ARID1B: variants seen among roughly 807,000 people sequenced by gnomAD.
The protein encoded by ARID1B is AT-rich interactive domain-containing protein 1B.
ARID1B carries 30 observed loss-of-function variants against 212.3 expected under a neutral mutation model. That is an observed-to-expected ratio of 0.14 (90% CI 0.11 to 0.19). The LOEUF (loss-of-function observed/expected upper bound fraction) is 0.19. ARID1B is among the 10% of genes least tolerant of loss of function. The pLI is 1.00. For synonymous variants in ARID1B, 1,402 were observed against 1,301.7 expected, an observed-to-expected ratio of 1.08 and a Z score of -1.66; for missense variants, 2,891 against 3,204.0, an observed-to-expected ratio of 0.90 and a Z score of 2.36.
chr6:157,098,332 G>A (rs1230529310), intron 5 of ARID1B, among the ~76,000 whole-genome samples: 1 of 152,202 alleles, frequency 6.6e-6, no homozygotes, highest in Non-Finnish European at 1.5e-5. Flanking sequence ...ACAGATAGCA[G>A]AGTGCTATGA....
intron 4 of ARID1B, among the ~76,000 whole-genome samples, chr6:156,967,842 A>T (rs1794878739): frequency 6.6e-6 from 1 of 152,184 alleles, no homozygotes; most frequent in African/African-American, 2.4e-5. Context: ...GAAATTGGTG[A>T]TAAGATTTGC....
At chr6:157,158,708 C>G (rs1485518699) in intron 8 of ARID1B, among the ~76,000 whole-genome samples, 2 of 152,154 alleles carry the variant, frequency 1.3e-5, no homozygotes, top group Non-Finnish European at 2.9e-5. Context: ...ATTAGCAGTT[C>G]ACTCCCCTTT....
chr6:157,086,335 T>C (rs1159289950), intron 5 of ARID1B, among the ~76,000 whole-genome samples: 1 of 152,234 alleles, frequency 6.6e-6, no homozygotes, highest in East Asian at 1.9e-4. Context: ...TCATAGTGTT[T>C]GTAATAACCT....
chr6:156,778,592 C>T lies in ARID1B; in HGVS notation c.912C>T (p.Gly304=), dbSNP rs1778868646. Residue 304 remains glycine (G), a synonymous_variant, in exon 1 of 20, where the codon GGC becomes GGT. Coordinates refer to ENST00000636930, the MANE Select transcript of ARID1B (RefSeq NM_001374828.1). ...QQPPVAVPGG[G]GGPAAVPEFN... is the part of the protein sequence containing the mutation. ...CGCCGGTCGCCGTGCCCGGGGGCGG[C>T]GGCGGCCCGGCGGCCGTCCCGGAGT... is the stretch of plus-strand genomic sequence containing the variant. The T allele has an allele frequency of 1.6e-6, 2 of 1,279,448 alleles. No homozygotes were observed. Among genetic ancestry groups the T allele is most frequent in the East Asian group, 3.2e-5 (1 of 30,930 alleles). The allele number at this position is 1,279,448 out of a possible 1,614,324, so 79.3% of individuals were successfully genotyped here. A position where few individuals can be genotyped will look rare whatever the true frequency, so the allele number is the denominator to read the frequency against.
chr6:157,062,099 A>AT (rs1562587314), intron 4 of ARID1B, among the ~76,000 whole-genome samples: 1 of 152,212 alleles, frequency 6.6e-6, no homozygotes, highest in Non-Finnish European at 1.5e-5. Context: ...AGCAGTCATG[A>AT]TAAGCCGAAT....
intron 5 of ARID1B, among the ~76,000 whole-genome samples, chr6:157,107,246 G>A (rs1786557709): frequency 6.6e-6 from 1 of 152,036 alleles, no homozygotes; most frequent in Admixed American, 6.6e-5. Flanking sequence ...GGAGGCTAAG[G>A]GAAAGTCACT....
At chr6:156,897,721 T>C (rs2128205110) in intron 2 of ARID1B, among the ~76,000 whole-genome samples, 1 of 152,220 alleles carries the variant, frequency 6.6e-6, no homozygotes, top group African/African-American at 2.4e-5. Context: ...CACTGGACAG[T>C]CAGGACTTCC....
intron 11 of ARID1B, among the ~76,000 whole-genome samples, chr6:157,176,324 CTT>C (rs1792101636): frequency 6.6e-6 from 1 of 152,258 alleles, no homozygotes; most frequent in African/African-American, 2.4e-5. Context: ...ATTTTGATGT[CTT>C]TGTGTTATTT....
intron 3 of ARID1B, among the ~76,000 whole-genome samples, chr6:156,906,235 G>T (rs1789363162): frequency 6.6e-6 from 1 of 152,036 alleles, no homozygotes; most frequent in African/African-American, 2.4e-5. Flanking sequence ...GAGACAGGAG[G>T]ATTGAAGTGG....
rs199767109 is a variant in ARID1B at position 157,097,811 on chromosome 6, T to C, written c.2492-12661T>C. ...TGGCAACCCTGTTCACAGCTTTTTT[T>C]CTTCTCCCCTTTGTGTCATAAGAAC... On this transcript the variant is annotated intron_variant, in intron 5 of 19. Coordinates refer to ENST00000636930, the MANE Select transcript of ARID1B (RefSeq NM_001374828.1). 7.9e-5 allele frequency among the ~76,000 whole-genome samples: 12 copies of C among 152,334 alleles called. 1 individual carries two copies. The East Asian group carries it at 2.3e-3, about 29-fold the overall frequency.
chr6:156,983,108 G>GA (rs989755745), intron 4 of ARID1B, among the ~76,000 whole-genome samples: 2 of 147,846 alleles, frequency 1.4e-5, no homozygotes, highest in South Asian at 2.1e-4. Flanking sequence ...AAAAAAAAAA[G>GA]AAAAAAAAGA....
At chr6:156,981,218 A>G (rs1777581944) in intron 4 of ARID1B, among the ~76,000 whole-genome samples, 1 of 152,184 alleles carries the variant, frequency 6.6e-6, no homozygotes, top group South Asian at 2.1e-4. Flanking sequence ...GGCAGGATGG[A>G]TGATTGATGT....
chr6:157,063,450 C>A (rs1783478790), intron 4 of ARID1B, among the ~76,000 whole-genome samples: 1 of 152,158 alleles, frequency 6.6e-6, no homozygotes, highest in South Asian at 2.1e-4. Flanking sequence ...CTTTTCCACA[C>A]CAAGATGCTT....
At chr6:157,136,094 A>T (rs1409140734) in intron 7 of ARID1B, among the ~76,000 whole-genome samples, 2 of 152,182 alleles carry the variant, frequency 1.3e-5, no homozygotes, top group Non-Finnish European at 2.9e-5. Context: ...CTATTTTCTA[A>T]GTGTTTTTTA....
At chr6:156,827,070 G>A (rs910850747) in intron 1 of ARID1B, among the ~76,000 whole-genome samples, 1 of 152,140 alleles carries the variant, frequency 6.6e-6, no homozygotes, top group African/African-American at 2.4e-5. Flanking sequence ...ATGCCCTGGA[G>A]ATATAATAGT....
intron 2 of ARID1B, among the ~76,000 whole-genome samples, chr6:156,866,381 ATCGCCGAGCCTTTGGATGGT>A (rs1269213510): frequency 6.6e-6 from 1 of 152,066 alleles, no homozygotes; most frequent in Non-Finnish European, 1.5e-5. Flanking sequence ...GCTGCCACCA[ATCGCCGAGCCTTTGGATGGT>A]TCTGCCTTGT....
chr6:156,807,036 A>G (rs1781210704), intron 1 of ARID1B, among the ~76,000 whole-genome samples: 2 of 152,216 alleles, frequency 1.3e-5, no homozygotes, highest in African/African-American at 4.8e-5. Context: ...TATGGGTCCT[A>G]CAAAAACCAA....
intron 8 of ARID1B, among the ~76,000 whole-genome samples, chr6:157,154,803 G>GAC (rs1790469500): frequency 1.3e-5 from 2 of 151,954 alleles, no homozygotes; most frequent in African/African-American, 2.4e-5. Context: ...GGATGGCCTT[G>GAC]ATCTCTTAAC....
At chr6:157,060,630 C>CTTTTTTTTTTTTTTTTTTTT (rs56870548) in intron 4 of ARID1B, among the ~76,000 whole-genome samples, 1 of 72,040 alleles carries the variant, frequency 1.4e-5, no homozygotes, top group African/African-American at 6.3e-5. Flanking sequence ...AAAATCTGAA[C>CTTTTTTTTTTTTTTTTTTTT]TTTTTTTTTT....
Sources: allele counts gnomAD v4.1 joint callset (sites outside exome capture counted in the v4.1 genomes callset), GRCh38; gene constraint gnomAD v4.1.1; transcripts MANE v1.5; gene names NCBI Gene and HGNC (gene_info 2026-07-23, HGNC 2026-07-21).